USP40: variants seen among roughly 807,000 people sequenced by gnomAD.
USP40 encodes ubiquitin specific peptidase 40.
USP40 carries 143 observed loss-of-function variants against 166.2 expected under a neutral mutation model. The observed-to-expected ratio is 0.86, with a 90% CI of 0.75 to 0.99. The LOEUF is 0.99. Among genes scored for constraint, USP40 ranks in the 50% least tolerant of loss-of-function variants. The pLI, the probability that USP40 is intolerant of heterozygous loss-of-function variation, is 0.00. For synonymous variants in USP40, 498 were observed against 524.0 expected (o/e 0.95, Z 0.68); for missense variants, 1,444 against 1,479.7 (o/e 0.98, Z 0.40).
At chr2:233,490,998 G>A (rs1333620333) in intron 26 of USP40, 169 bp downstream of exon 26, 1 of 717,346 alleles carries the variant, frequency 1.4e-6, no homozygotes. Context: ...GGAGCCGTCT[G>A]CACCATGGGC....
chr2:233,520,935 A>C (rs879248887), intron 17 of USP40, 56 bp downstream of exon 17: 1 of 1,565,640 alleles, frequency 6.4e-7, no homozygotes, highest in Non-Finnish European at 8.7e-7. Context: ...TGTTTTCTAA[A>C]TAAAATTCTG....
rs2064958172 is a variant in USP40, at chr2:233,486,484, G to C, written c.3198-507C>G. On this transcript the variant is annotated intron_variant, in intron 28 of 31. Coordinates refer to ENST00000678225, the MANE Select transcript of USP40 (RefSeq NM_001365479.2). The surrounding 1 kb of genome is among the most constrained non-coding windows in gnomAD (Gnocchi z 4.0). ...GGTGAGACACAAGGCTGCAGCTGTG[G>C]GAGATGGGAAACCTTAGCAGGAGGA... Among the ~76,000 whole-genome samples the C allele has an allele frequency of 6.6e-6, 1 of 152,146 alleles. No homozygotes were observed. The highest frequency in any genetic ancestry group is 2.1e-4 in the South Asian group (1 of 4,826).
intron 7 of USP40, 91 bp from the exon 8 acceptor site, chr2:233,549,320 A>G (rs1227226825): frequency 3.7e-6 from 3 of 807,464 alleles, no homozygotes; most frequent in South Asian, 5.9e-5. Flanking sequence ...ACTGAAATTA[A>G]TAAGAAACTT....
intron 24 of USP40, among the ~76,000 whole-genome samples, chr2:233,495,398 CTCT>C (rs948901490): frequency 5.9e-5 from 9 of 151,438 alleles, no homozygotes; most frequent in Middle Eastern, 3.4e-3. Context: ...TCTTTTATCT[CTCT>C]TCTTGTTTTT....
At chr2:233,496,878 G>T in intron 23 of USP40, 46 bp from the exon 24 acceptor site, 1 of 1,471,836 alleles carries the variant, frequency 6.8e-7, no homozygotes, top group South Asian at 1.2e-5. Context: ...CTTCTGAAAG[G>T]AGCAGATCAT....
Position 233,542,376 on chromosome 2 carries a change from A to G in USP40, c.967-13T>C. On this transcript the variant is annotated splice_polypyrimidine_tract_variant and intron_variant, in intron 8 of 31. Transcript: ENST00000678225. ...TACTTTTTTCCTCCTAGGAAGGAAA[A>G]CAGTATGAGTTTCTATCACTAACCC... is the stretch of plus-strand genomic sequence containing the variant. 1 of 1,486,140 alleles carries G rather than the reference A, an allele frequency of 6.7e-7. No homozygotes were observed. Among genetic ancestry groups the G allele is most frequent in the East Asian group, 2.4e-5 (1 of 40,868 alleles). 92.1% of individuals were successfully genotyped at this position (1,486,140 alleles called of 1,614,324 possible).
rs146673916 is a variant in USP40 at position 233,519,068 on chromosome 2, T to C, written c.2383+546A>G. 3.1e-3 allele frequency among the ~76,000 whole-genome samples: 470 copies of C among 152,262 alleles called. 1 individual carries two copies. Among genetic ancestry groups the C allele is most frequent in the Non-Finnish European group, 4.3e-3 (294 of 68,004 alleles). On this transcript the variant is annotated intron_variant, in intron 18 of 31. Coordinates refer to ENST00000678225, the MANE Select transcript of USP40 (RefSeq NM_001365479.2). ...CATTAAACATTAAGAAAATAAAGTC[T>C]ATAGAGACAGAAAGCAGATTAGTGG...
rs1224907349 is a variant in USP40 at position 233,532,768 on chromosome 2, C to A, written c.1471+711G>T. ...ACCAACCTGGGCAATACAGCGAGAC[C>A]CTGTCTCTAAAAAAATGAAAAAATT... On this transcript the variant is annotated intron_variant, in intron 11 of 31. Transcript: ENST00000678225. Among the ~76,000 whole-genome samples, 6 of 151,928 alleles carry A rather than the reference C, an allele frequency of 3.9e-5. No individual in the cohort carries two copies. In the East Asian group the frequency reaches 9.7e-4, roughly 24 times the overall value.
chr2:233,477,211 G>A lies in USP40; in HGVS notation c.*181C>T, dbSNP rs1559204218. ...CTGCACCAGCCCCCGTGGCTGCCAC[G>A]TGTTGCAGAGCTAAGTGACTACATG... On this transcript the variant is annotated 3_prime_UTR_variant, in exon 32 of 32. Transcript: ENST00000678225. 6 of 632,594 alleles carry A rather than the reference G, an allele frequency of 9.5e-6. No homozygotes were observed. The highest frequency in any genetic ancestry group is 1.8e-5 in the African/African-American group (1 of 55,252). 39.2% of individuals were successfully genotyped at this position (632,594 alleles called of 1,614,324 possible).
Position 233,481,261 on chromosome 2 carries a change from T to C in USP40, c.3541A>G (p.Ile1181Val), listed in dbSNP as rs567103588. 12 of 1,607,738 alleles carry C rather than the reference T, an allele frequency of 7.5e-6. No individual in the cohort carries two copies. Among genetic ancestry groups the C allele is most frequent in the Admixed American group, 6.8e-5 (4 of 59,258 alleles). Reference protein sequence around the residue: ...LIDDDDDFSTIRDDTGKEKQK... With the variant: ...LIDDDDDFSTVRDDTGKEKQK... Reference sequence around the variant, plus strand: ...TTTTCTTTTCCAGTGTCATCTCTGATTGTACTGAAATCATCATCGTCGTCA... The same window carrying C: ...TTTTCTTTTCCAGTGTCATCTCTGACTGTACTGAAATCATCATCGTCGTCA... Residue 1181 changes from isoleucine to valine, a missense_variant, in exon 31 of 32, where the codon ATC (isoleucine) becomes GTC (valine). Ile to Val is a conservative substitution (Grantham distance 29). Coordinates refer to ENST00000678225, the MANE Select transcript of USP40 (RefSeq NM_001365479.2).
intron 21 of USP40, among the ~76,000 whole-genome samples, chr2:233,502,365 G>A (rs1385664125): frequency 6.6e-6 from 1 of 152,180 alleles, no homozygotes; most frequent in Non-Finnish European, 1.5e-5. Context: ...AGGACTGGAA[G>A]TGTTGGATTT....
At chr2:233,558,792 T>G (rs1344324236) in intron 4 of USP40, among the ~76,000 whole-genome samples, 1 of 152,194 alleles carries the variant, frequency 6.6e-6, no homozygotes, top group Non-Finnish European at 1.5e-5. Flanking sequence ...AGTGTTTTTT[T>G]TGTTTGTTTG....
chr2:233,498,011 A>G (rs1455148472), intron 23 of USP40, among the ~76,000 whole-genome samples: 1 of 152,228 alleles, frequency 6.6e-6, no homozygotes, highest in Non-Finnish European at 1.5e-5. Flanking sequence ...AAGGCTACGC[A>G]TTTGAACTGG....
chr2:233,518,208 T>C (rs1244683423), intron 18 of USP40, among the ~76,000 whole-genome samples: 2 of 123,614 alleles, frequency 1.6e-5, no homozygotes, highest in East Asian at 4.3e-4. Context: ...GCTCAAAATA[T>C]GTTTTTTTTT....
chr2:233,477,771 C>A (rs990346254), intron 31 of USP40, among the ~76,000 whole-genome samples: 1 of 152,236 alleles, frequency 6.6e-6, no homozygotes, highest in African/African-American at 2.4e-5. Context: ...AGTGAAAATG[C>A]CTCACAGCTG....
At chr2:233,550,471 GAACC>G (rs1448308525) in intron 7 of USP40, among the ~76,000 whole-genome samples, 5 of 150,832 alleles carry the variant, frequency 3.3e-5, no homozygotes, top group Non-Finnish European at 5.9e-5. Context: ...CAGAATATTA[GAACC>G]TTTGAGTGGT....
At chr2:233,565,887 C>T (rs959452016) in intron 1 of USP40, among the ~76,000 whole-genome samples, 3 of 152,052 alleles carry the variant, frequency 2.0e-5, no homozygotes, top group African/African-American at 7.2e-5. Flanking sequence ...AGGGTTTGGC[C>T]CACAATAAGT....
In USP40 at chr2:233,549,118, C is replaced by A; in HGVS notation, c.949G>T (p.Gly317Ter). Residue 317 changes from glycine to a stop codon, truncating the protein, a stop_gained, in exon 8 of 32, where the codon GGA (glycine) becomes TGA (stop). Coordinates refer to ENST00000678225, the MANE Select transcript of USP40 (RefSeq NM_001365479.2). LOFTEE classifies it high-confidence loss of function. ...ATACGTACTTGAAACTGCCAGTTTCCCAAATGATCAACATCTTTAATATAT... is the reference window on the plus strand; with the variant it reads ...ATACGTACTTGAAACTGCCAGTTTCACAAATGATCAACATCTTTAATATAT... The part of the protein sequence containing the change: ...HVYIKDVDHL[G>*]NWQFQEEKSK... The A allele has an allele frequency of 6.3e-7, 1 of 1,597,340 alleles. No individual in the cohort carries two copies. Among genetic ancestry groups the A allele is most frequent in the Non-Finnish European group, 8.5e-7 (1 of 1,173,190 alleles).
intron 20 of USP40, among the ~76,000 whole-genome samples, chr2:233,510,382 CT>C (rs2066721986): frequency 1.0e-5 from 1 of 97,896 alleles, no homozygotes; most frequent in African/African-American, 4.2e-5. Context: ...TACACTACTT[CT>C]TTTTCTTTCT....
Sources: allele counts gnomAD v4.1 joint callset (sites outside exome capture counted in the v4.1 genomes callset), GRCh38; gene constraint gnomAD v4.1.1; non-coding constraint Gnocchi (gnomAD v3.1); transcripts MANE v1.5; gene names NCBI Gene and HGNC (gene_info 2026-07-23, HGNC 2026-07-21).